Variants in PIEZO2 observed in about 807,000 individuals in gnomAD.
The protein encoded by PIEZO2 is piezo-type mechanosensitive ion channel component 2.
In PIEZO2, 172 loss-of-function variants were observed where a neutral mutation model predicts 337.3. The ratio of observed to expected loss-of-function variants is 0.51; its 90% CI spans 0.45 to 0.58. The LOEUF (loss-of-function observed/expected upper bound fraction) is 0.58. PIEZO2 is among the 20% of genes least tolerant of loss of function. PIEZO2 has a pLI of 0.00. For synonymous variants in PIEZO2, 1,251 were observed against 1,228.5 expected (o/e 1.02, Z -0.38); for missense variants, 3,028 against 3,391.3 (o/e 0.89, Z 2.66).
chr18:10,977,706 G>A (rs760916773), intron 3 of PIEZO2, among the ~76,000 whole-genome samples: 4 of 152,028 alleles, frequency 2.6e-5, no homozygotes, highest in East Asian at 3.9e-4. Flanking sequence ...CATTAAAATC[G>A]CATTTTAACA....
chr18:11,012,279 G>A (rs993305524), intron 2 of PIEZO2, among the ~76,000 whole-genome samples: 3 of 152,092 alleles, frequency 2.0e-5, no homozygotes, highest in South Asian at 2.1e-4. Context: ...AATGTCTGAT[G>A]AGCAGCATTT....
rs191941978 is a variant in PIEZO2 at position 10,770,009 on chromosome 18, G to A, written c.2946+139C>T. On this transcript the variant is annotated intron_variant, in intron 21 of 55. Coordinates refer to ENST00000674853, the MANE Select transcript of PIEZO2 (RefSeq NM_001378183.1). Reference sequence around the variant, plus strand: ...GCTGCTGACCCTCGGATTTCTGTAAGTGTAAGTACTTAGTCTTGGAGTCTT... The same window carrying A: ...GCTGCTGACCCTCGGATTTCTGTAAATGTAAGTACTTAGTCTTGGAGTCTT... 138 of 891,792 alleles carry A rather than the reference G, an allele frequency of 1.5e-4. No homozygotes were observed. The African/African-American group carries it at 2.1e-3, about 14-fold the overall frequency. 55.2% of individuals were successfully genotyped at this position (891,792 alleles called of 1,614,324 possible).
At position 11,069,790 on chromosome 18, in the gene PIEZO2, C is replaced by G. The variant is rs2038273600; in HGVS notation, c.65-3568G>C. On this transcript the variant is annotated intron_variant, in intron 1 of 55. Coordinates refer to ENST00000674853, the MANE Select transcript of PIEZO2 (RefSeq NM_001378183.1). The surrounding 1 kb of genome is among the most constrained non-coding windows in gnomAD (Gnocchi z 4.9). The stretch of plus-strand genomic sequence containing the variant: ...ATTAAGAAAACCCTAAAGATTCAAC[C>G]AAAAAATTGTTAGAACTAATTAATT... Among the ~76,000 whole-genome samples the G allele has an allele frequency of 6.6e-6, 1 of 152,010 alleles. No homozygotes were observed. The highest frequency in any genetic ancestry group is 1.5e-5 in the Non-Finnish European group (1 of 67,992).
chr18:11,006,382 A>G (rs761274663), intron 2 of PIEZO2, among the ~76,000 whole-genome samples: 21 of 151,108 alleles, frequency 1.4e-4, no homozygotes, highest in Non-Finnish European at 2.6e-4. Flanking sequence ...GGTGAAGCTC[A>G]TAAGTCATAT....
At position 10,772,562 on chromosome 18, in the gene PIEZO2, G is replaced by T. The variant is rs115711388; in HGVS notation, c.2785+850C>A. On this transcript the variant is annotated intron_variant, in intron 20 of 55. Coordinates refer to ENST00000674853, the MANE Select transcript of PIEZO2 (RefSeq NM_001378183.1). ...TGGGGAAAGAACACCAGGTTTAAGG[G>T]GCACAAACCTTTGGAAGGGGTCTTC... 9.5e-3 allele frequency among the ~76,000 whole-genome samples: 1,442 copies of T among 152,248 alleles called. 28 individuals carry two copies. The highest frequency in any genetic ancestry group is 0.033 in the African/African-American group (1,378 of 41,526).
chr18:10,755,451 T>C (rs537528071), intron 27 of PIEZO2, among the ~76,000 whole-genome samples: 1 of 152,162 alleles, frequency 6.6e-6, no homozygotes, highest in South Asian at 2.1e-4. Flanking sequence ...GACAGCTGAC[T>C]ATAGTGGGCA....
Position 10,839,885 on chromosome 18 carries a change from C to A in PIEZO2, c.917+15468G>T, listed in dbSNP as rs1244778477. 2.0e-5 allele frequency among the ~76,000 whole-genome samples: 3 copies of A among 152,092 alleles called. 1 individual carries two copies. On this transcript the variant is annotated intron_variant, in intron 7 of 55. Transcript: ENST00000674853. ...TTCTGTAAGAGAAGTTGTATGTAAA[C>A]TTACAGATGCTCAGAAAGAAACAAG... is the stretch of plus-strand genomic sequence containing the variant.
intron 2 of PIEZO2, among the ~76,000 whole-genome samples, chr18:10,992,171 T>A (rs2035135598): frequency 1.3e-5 from 2 of 152,190 alleles, no homozygotes; most frequent in Non-Finnish European, 2.9e-5. Flanking sequence ...TTTCTCCCAT[T>A]CTGTAGGTTG....
intron 33 of PIEZO2, chr18:10,738,796 A>C (rs796435309): frequency 1.2e-4 from 18 of 152,350 alleles, no homozygotes; most frequent in African/African-American, 4.3e-4. Context: ...TTTAGGCAGT[A>C]CTGAACCAAT....
In PIEZO2 at chr18:10,794,729, GT is replaced by G. The variant is rs1309176504; in HGVS notation, c.1758+42del. 4 of 1,362,082 alleles carry G rather than the reference GT, an allele frequency of 2.9e-6. No homozygotes were observed. The South Asian group carries it at 5.5e-5, about 19-fold the overall frequency. 84.4% of individuals were successfully genotyped at this position (1,362,082 alleles called of 1,614,324 possible). The stretch of plus-strand genomic sequence containing the variant: ...GGATACGATTATGATGATGATTGTG[GT>G]TTTGTGTCATTGTTTTGTTTTATTG... On this transcript the variant is annotated intron_variant, in intron 13 of 55. Transcript: ENST00000674853. This position sits in a 1 kb window ranked among gnomAD's most constrained non-coding sequence, Gnocchi z 6.6.
At position 10,856,985 on chromosome 18, in the gene PIEZO2, T is replaced by C. The variant is rs2041722788; in HGVS notation, c.703+16A>G. On this transcript the variant is annotated intron_variant, in intron 6 of 55. Transcript: ENST00000674853. The surrounding 1 kb of genome is among the most constrained non-coding windows in gnomAD (Gnocchi z 4.7). ...TGTGCCTTTTGCTACGTGCAGCCAGTGTGGGAGACACTCACCCGAGGAGCC... is the reference window on the plus strand; with the variant it reads ...TGTGCCTTTTGCTACGTGCAGCCAGCGTGGGAGACACTCACCCGAGGAGCC... The C allele has an allele frequency of 6.5e-7, 1 of 1,536,138 alleles. No individual in the cohort carries two copies. The highest frequency in any genetic ancestry group is 8.7e-7 in the Non-Finnish European group (1 of 1,146,128).
chr18:10,798,014 A>C (rs548473174), intron 11 of PIEZO2, among the ~76,000 whole-genome samples: 1 of 152,218 alleles, frequency 6.6e-6, no homozygotes, highest in African/African-American at 2.4e-5. Flanking sequence ...AAACAGCCCT[A>C]TGGGGAGCCC....
At chr18:11,100,015 C>T (rs2039366213) in intron 1 of PIEZO2, among the ~76,000 whole-genome samples, 1 of 152,052 alleles carries the variant, frequency 6.6e-6, no homozygotes, top group African/African-American at 2.4e-5. Context: ...TCATAAAAAA[C>T]TTATTATTTT....
rs1482480866 is a variant in PIEZO2, at chr18:11,032,551, T to C, written c.160+33576A>G. On this transcript the variant is annotated intron_variant, in intron 2 of 55. Transcript: ENST00000674853. This position sits in a 1 kb window ranked among gnomAD's most constrained non-coding sequence, Gnocchi z 4.9. ...GTGGGAATTCTGACTACCCTGGTCA[T>C]AAGAGCACAGGGGCAAACACAACAA... Among the ~76,000 whole-genome samples, 2 of 152,216 alleles carry C rather than the reference T, an allele frequency of 1.3e-5. No homozygotes were observed. The highest frequency in any genetic ancestry group is 4.8e-5 in the African/African-American group (2 of 41,454).
At chr18:10,860,936 G>A (rs954344885) in intron 5 of PIEZO2, among the ~76,000 whole-genome samples, 14 of 152,126 alleles carry the variant, frequency 9.2e-5, no homozygotes, top group African/African-American at 3.1e-4. Context: ...TGGGGCTGTC[G>A]GTTGGAAATA....
chr18:10,972,332 T>C (rs1437766577), intron 3 of PIEZO2, among the ~76,000 whole-genome samples: 1 of 152,128 alleles, frequency 6.6e-6, no homozygotes, highest in Non-Finnish European at 1.5e-5. Flanking sequence ...GTGAATAATA[T>C]ATTTATTATC....
At chr18:11,122,175 T>C (rs2040047306) in intron 1 of PIEZO2, among the ~76,000 whole-genome samples, 1 of 152,182 alleles carries the variant, frequency 6.6e-6, no homozygotes, top group South Asian at 2.1e-4. Context: ...CAGGATGGTC[T>C]TGATCTCCTC....
At chr18:11,004,388 C>T (rs2035650083) in intron 2 of PIEZO2, among the ~76,000 whole-genome samples, 2 of 152,178 alleles carry the variant, frequency 1.3e-5, no homozygotes, top group Admixed American at 6.5e-5. Context: ...GCTGCCCCCA[C>T]AGCCCCCGCC....
At chr18:10,921,813 A>G (rs973658649) in intron 3 of PIEZO2, among the ~76,000 whole-genome samples, 18 of 152,112 alleles carry the variant, frequency 1.2e-4, no homozygotes, top group Admixed American at 5.2e-4. Flanking sequence ...TACTCGCCTG[A>G]GGGTGGGTCT....
Sources: allele counts gnomAD v4.1 joint callset (sites outside exome capture counted in the v4.1 genomes callset), GRCh38; gene constraint gnomAD v4.1.1; non-coding constraint Gnocchi (gnomAD v3.1); transcripts MANE v1.5; gene names NCBI Gene and HGNC (gene_info 2026-07-23, HGNC 2026-07-21).